ZNF729: variants seen among roughly 807,000 people sequenced by gnomAD.
ZNF729 encodes zinc finger protein 729.
Under a neutral mutation model 12.2 loss-of-function variants are expected in ZNF729, and 15 were observed. That is an observed-to-expected ratio of 1.23 (90% CI 0.82 to 1.89). The LOEUF is 1.89. Among genes scored for constraint, ZNF729 ranks in the 40% most tolerant of loss-of-function variants. ZNF729 has a pLI of 0.00. For missense variants in ZNF729, 1,540 were observed against 1,456.7 expected, an observed-to-expected ratio of 1.06 and a Z score of -0.93; for synonymous variants, 492 against 476.3, an observed-to-expected ratio of 1.03 and a Z score of -0.43.
Position 22,315,698 on chromosome 19 carries a change from A to C in ZNF729, c.2281A>C (p.Ile761Leu). ...HFSALRKHKV[I>L]HTREKLYKCE... The stretch of plus-strand genomic sequence containing the variant: ...CTCAGCCCTTAGAAAACATAAGGTA[A>C]TTCATACTAGGGAGAAATTGTACAA... The change falls in exon 4 of 4, where the codon ATT becomes CTT. Residue 761 changes from isoleucine (I) to leucine (L), a missense_variant. By Grantham distance (5) the Ile-to-Leu change is conservative. Coordinates refer to ENST00000601693, the MANE Select transcript of ZNF729 (RefSeq NM_001242680.2). The C allele has an allele frequency of 6.2e-7, 1 of 1,606,476 alleles. No homozygotes were observed. Among genetic ancestry groups the C allele is most frequent in the Non-Finnish European group, 8.5e-7 (1 of 1,178,200 alleles).
intron 1 of ZNF729, among the ~76,000 whole-genome samples, chr19:22,297,456 T>C (rs1361802248): frequency 6.6e-6 from 1 of 152,018 alleles, no homozygotes; most frequent in Non-Finnish European, 1.5e-5. Flanking sequence ...GGATTTATTC[T>C]CCTATAGGAA....
Position 22,314,092 on chromosome 19 carries a change from A to T in ZNF729, c.675A>T (p.Lys225Asn), listed in dbSNP as rs1300076652. Reference sequence around the variant, plus strand: ...TTAAATCGTTCTCAACCCTTACTAAACATAAGATAATTCATACTGAAGACA... The same window carrying T: ...TTAAATCGTTCTCAACCCTTACTAATCATAAGATAATTCATACTGAAGACA... ...KAFKSFSTLTKHKIIHTEDKP... is the reference protein window; with the variant it reads ...KAFKSFSTLTNHKIIHTEDKP... Residue 225 changes from lysine (K) to asparagine (N), a missense_variant, in exon 4 of 4, where the codon AAA becomes AAT. Coordinates refer to ENST00000601693, the MANE Select transcript of ZNF729 (RefSeq NM_001242680.2). The T allele has an allele frequency of 6.5e-7, 1 of 1,546,862 alleles. No homozygotes were observed. Among genetic ancestry groups the T allele is most frequent in the Non-Finnish European group, 8.7e-7 (1 of 1,147,180 alleles).
chr19:22,311,823 A>G (rs1477622028), intron 3 of ZNF729, among the ~76,000 whole-genome samples: 2 of 152,112 alleles, frequency 1.3e-5, no homozygotes, highest in African/African-American at 4.8e-5. Context: ...GTTGGTGTCT[A>G]TCTCATTTAT....
rs770556700 is a variant in ZNF729, at chr19:22,313,674, T to C, written c.257T>C (p.Met86Thr). 1.4e-6 allele frequency: 2 copies of C among 1,474,808 alleles called. No individual in the cohort carries two copies. Among genetic ancestry groups the C allele is most frequent in the South Asian group, 1.5e-5 (1 of 68,038 alleles). 91.4% of individuals were successfully genotyped at this position (1,474,808 alleles called of 1,614,324 possible). The change falls in exon 4 of 4, where the codon ATG becomes ACG. Residue 86 changes from methionine (M) to threonine (T), a missense_variant. Coordinates refer to ENST00000601693, the MANE Select transcript of ZNF729 (RefSeq NM_001242680.2). ...RHEMVTKPPV[M>T]RSHFTQDLWP... ...TTGTTATTTTTATTTCTTCTAGTTATGCGTTCTCATTTTACACAAGACCTT... is the reference window on the plus strand; with the variant it reads ...TTGTTATTTTTATTTCTTCTAGTTACGCGTTCTCATTTTACACAAGACCTT...
chr19:22,302,894 A>G (rs995635380), intron 1 of ZNF729, among the ~76,000 whole-genome samples: 1 of 152,046 alleles, frequency 6.6e-6, no homozygotes, highest in African/African-American at 2.4e-5. Context: ...AGTTCAAGTG[A>G]TTCTCCTGCC....
chr19:22,303,466 G>A lies in ZNF729; in HGVS notation c.31-292G>A, dbSNP rs574088938. 2.6e-5 allele frequency among the ~76,000 whole-genome samples: 4 copies of A among 152,212 alleles called. No homozygotes were observed. The South Asian group carries it at 8.3e-4, about 32-fold the overall frequency. ...ACTTATTCTGTATGATGTAAATATA[G>A]CACAAAAAATGTACATGTTTGTTAT... is the stretch of plus-strand genomic sequence containing the variant. On this transcript the variant is annotated intron_variant, in intron 1 of 3. Transcript: ENST00000601693.
rs907943219 is a variant in ZNF729 at position 22,317,140 on chromosome 19, A to G, written c.3723A>G (p.Lys1241=). Residue 1241 remains lysine, a synonymous_variant, in exon 4 of 4, where the codon AAA becomes AAG. Transcript: ENST00000601693. ...LLDKTIHTGE[K]PYKCEECAKA... is the part of the protein sequence containing the mutation. ...ACAAAACAATTCATACTGGAGAGAA[A>G]CCCTACAAATGTGAAGAATGTGCCA... The G allele has an allele frequency of 5.6e-6, 9 of 1,601,038 alleles. No homozygotes were observed. The highest frequency in any genetic ancestry group is 7.7e-6 in the Non-Finnish European group (9 of 1,174,274).
rs774972888 is a variant in ZNF729 at position 22,316,156 on chromosome 19, T to C, written c.2739T>C (p.Cys913=). ...TAEKPCKCEE[C]GKAFKHFSAL... ...AGAAACCCTGTAAATGTGAAGAATG[T>C]GGCAAAGCTTTTAAGCATTTCTCAG... is the stretch of plus-strand genomic sequence containing the variant. Residue 913 remains cysteine (C), a synonymous_variant, in exon 4 of 4, where the codon TGT becomes TGC. Coordinates refer to ENST00000601693, the MANE Select transcript of ZNF729 (RefSeq NM_001242680.2). The C allele has an allele frequency of 3.7e-5, 58 of 1,579,564 alleles. No individual in the cohort carries two copies. The highest frequency in any genetic ancestry group is 4.9e-5 in the Non-Finnish European group (57 of 1,154,172).
chr19:22,291,097 AG>A (rs1173420188), intron 1 of ZNF729, among the ~76,000 whole-genome samples: 1 of 152,188 alleles, frequency 6.6e-6, no homozygotes, highest in Non-Finnish European at 1.5e-5. Flanking sequence ...GGGTGGTGTC[AG>A]AATTCAAATG....
chr19:22,297,470 A>G (rs1291318610), intron 1 of ZNF729, among the ~76,000 whole-genome samples: 1 of 152,018 alleles, frequency 6.6e-6, no homozygotes, highest in Non-Finnish European at 1.5e-5. Flanking sequence ...ATAGGAAAAT[A>G]AGAAAATATA....
rs535852004 is a variant in ZNF729, at chr19:22,301,381, G to A, written c.31-2377G>A. The stretch of plus-strand genomic sequence containing the variant: ...AAATCTATATTTTCTCAGCTTTTTC[G>A]TTTTAGGTAGACATATTTAGAATGT... On this transcript the variant is annotated intron_variant, in intron 1 of 3. Transcript: ENST00000601693. 2.8e-4 allele frequency among the ~76,000 whole-genome samples: 42 copies of A among 152,178 alleles called. No individual in the cohort carries two copies. The South Asian group carries it at 5.2e-3, about 19-fold the overall frequency.
At chr19:22,303,042 T>C (rs113980596) in intron 1 of ZNF729, among the ~76,000 whole-genome samples, 3,347 of 152,294 alleles carry the variant, frequency 0.022, 110 homozygotes, top group African/African-American at 0.077. Context: ...CCCAAAGTGC[T>C]GGGATTACAG....
rs143989607 is a variant in ZNF729 at position 22,296,644 on chromosome 19, G to A, written c.31-7114G>A. Among the ~76,000 whole-genome samples the A allele has an allele frequency of 1.5e-3, 223 of 151,858 alleles. 1 individual carries two copies. Among genetic ancestry groups the A allele is most frequent in the African/African-American group, 5.0e-3 (209 of 41,402 alleles). On this transcript the variant is annotated intron_variant, in intron 1 of 3. Transcript: ENST00000601693. Reference sequence around the variant, plus strand: ...TATTTATTTATTTTTTTTGTCTGCTGATAGCTTAGGAGTTGCTTTGCTCTT... The same window carrying A: ...TATTTATTTATTTTTTTTGTCTGCTAATAGCTTAGGAGTTGCTTTGCTCTT...
rs780978699 is a variant in ZNF729 at position 22,314,461 on chromosome 19, C to T, written c.1044C>T (p.Tyr348=). 4.4e-6 allele frequency: 7 copies of T among 1,604,830 alleles called. No individual in the cohort carries two copies. Among genetic ancestry groups the T allele is most frequent in the African/African-American group, 4.0e-5 (3 of 74,748 alleles). Reference sequence around the variant, plus strand: ...TAATTCATACTGGAAAGAAACCCTACAAGCGTGAAGAATGTGGCAAAGCTT... The same window carrying T: ...TAATTCATACTGGAAAGAAACCCTATAAGCGTGAAGAATGTGGCAAAGCTT... The part of the protein sequence containing the change: ...HKIIHTGKKP[Y]KREECGKAFS... The change falls in exon 4 of 4, where the codon TAC becomes TAT. Residue 348 remains tyrosine (Y), a synonymous_variant. Transcript: ENST00000601693.
intron 1 of ZNF729, among the ~76,000 whole-genome samples, chr19:22,287,670 G>A (rs892497810): frequency 8.1e-6 from 1 of 122,720 alleles, no homozygotes; most frequent in Non-Finnish European, 1.9e-5. Context: ...TCGGAGGACT[G>A]ATTTTTTTTT....
In ZNF729 at chr19:22,315,746, T is replaced by G; in HGVS notation, c.2329T>G (p.Phe777Val). ...LYKCEECVKA[F>V]NSFSALMKHK... ...CAAATGTGAAGAATGTGTCAAAGCT[T>G]TTAACAGTTTCTCAGCCCTTATGAA... The change falls in exon 4 of 4, where the codon TTT (phenylalanine) becomes GTT (valine). Residue 777 changes from phenylalanine to valine, a missense_variant. Physicochemically the swap from Phe to Val is conservative, Grantham distance 50 (BLOSUM62 -1). Coordinates refer to ENST00000601693, the MANE Select transcript of ZNF729 (RefSeq NM_001242680.2). 6.2e-7 allele frequency: 1 copy of G among 1,607,876 alleles called. No individual in the cohort carries two copies. The highest frequency in any genetic ancestry group is 1.1e-5 in the South Asian group (1 of 90,952).
chr19:22,312,775 A>G (rs1968467461), intron 3 of ZNF729, among the ~76,000 whole-genome samples: 1 of 152,106 alleles, frequency 6.6e-6, no homozygotes, highest in South Asian at 2.1e-4. Context: ...GTGCGATGGC[A>G]TGATCTCGGC....
intron 1 of ZNF729, among the ~76,000 whole-genome samples, chr19:22,302,363 C>A (rs1231324267): frequency 6.6e-6 from 1 of 152,308 alleles, no homozygotes. Context: ...ATCATTGGTA[C>A]AATAAACAGA....
chr19:22,309,169 G>A (rs1301645007), intron 3 of ZNF729, among the ~76,000 whole-genome samples: 6 of 152,134 alleles, frequency 3.9e-5, no homozygotes, highest in East Asian at 1.9e-4. Flanking sequence ...ATCCCTGGCC[G>A]GGTGCGGTGG....
Sources: gnomAD v4.1 joint callset for allele counts (sites outside exome capture counted in the v4.1 genomes callset) on GRCh38, gnomAD v4.1.1 for gene constraint, MANE v1.5 for transcripts, NCBI Gene and HGNC (gene_info 2026-07-23, HGNC 2026-07-21) for gene names.